Variants in CGNL1 observed in about 807,000 individuals in gnomAD.
The protein encoded by CGNL1 is cingulin like 1.
A neutral mutation model predicts 141.2 loss-of-function variants in CGNL1; 132 were observed. That is an observed-to-expected ratio of 0.93 (90% CI 0.81 to 1.08). The LOEUF (loss-of-function observed/expected upper bound fraction) is 1.08, where lower values mean the gene tolerates loss of function less well. CGNL1 is among the 50% of genes least tolerant of loss of function. The probability of loss-of-function intolerance (pLI) is 0.00; values close to 1 mark genes in which losing one functional copy is unlikely to be tolerated. For missense variants in CGNL1, 1,870 were observed against 1,588.6 expected (o/e 1.18, Z -3.01); for synonymous variants, 690 against 622.1 (o/e 1.11, Z -1.63).
intron 8 of CGNL1, among the ~76,000 whole-genome samples, chr15:57,505,423 A>T (rs575990681): frequency 4.6e-5 from 7 of 152,270 alleles, no homozygotes; most frequent in African/African-American, 1.7e-4. Context: ...GGACGTTTCT[A>T]TTCTGGCCCC....
At chr15:57,422,819 G>C (rs1253961674) in intron 1 of CGNL1, among the ~76,000 whole-genome samples, 1 of 152,156 alleles carries the variant, frequency 6.6e-6, no homozygotes, top group African/African-American at 2.4e-5. Flanking sequence ...TAAGAAAAGT[G>C]GTGATGGACA....
chr15:57,476,238 G>T (rs1408909124), intron 8 of CGNL1, among the ~76,000 whole-genome samples: 1 of 152,154 alleles, frequency 6.6e-6, no homozygotes, highest in Non-Finnish European at 1.5e-5. Flanking sequence ...CTAAGAGGGA[G>T]TGAGGCTTGG....
intron 1 of CGNL1, among the ~76,000 whole-genome samples, chr15:57,389,249 C>A (rs1236714334): frequency 1.3e-5 from 2 of 151,996 alleles, no homozygotes; most frequent in African/African-American, 2.4e-5. Context: ...AAAAATGATT[C>A]AAGTTCCACT....
chr15:57,489,779 G>A (rs1344397361), intron 8 of CGNL1, among the ~76,000 whole-genome samples: 1 of 152,124 alleles, frequency 6.6e-6, no homozygotes, highest in Non-Finnish European at 1.5e-5. Context: ...GCTGAAGCTT[G>A]GATATTAAAG....
intron 1 of CGNL1, among the ~76,000 whole-genome samples, chr15:57,401,327 G>T (rs556558038): frequency 6.6e-6 from 1 of 152,192 alleles, no homozygotes; most frequent in Admixed American, 6.5e-5. Context: ...AGGGTTGGAC[G>T]GTGTATACAT....
At chr15:57,377,658 T>G (rs537752737) in intron 1 of CGNL1, among the ~76,000 whole-genome samples, 1 of 152,328 alleles carries the variant, frequency 6.6e-6, no homozygotes, top group South Asian at 2.1e-4. Context: ...TGAAGATCCC[T>G]TTGTTTCTAC....
At chr15:57,498,342 C>T (rs796290725) in intron 8 of CGNL1, among the ~76,000 whole-genome samples, 15 of 141,810 alleles carry the variant, frequency 1.1e-4, no homozygotes, top group East Asian at 6.4e-4. Context: ...CTCAATCTCC[C>T]GGGCTCAAGC....
chr15:57,420,117 T>A (rs1207616287), intron 1 of CGNL1, among the ~76,000 whole-genome samples: 1 of 152,226 alleles, frequency 6.6e-6, no homozygotes, highest in Non-Finnish European at 1.5e-5. Flanking sequence ...TTGTTTAATT[T>A]CTGGCACTGT....
chr15:57,405,212 A>G (rs2062702357), intron 1 of CGNL1: 1 of 152,238 alleles, frequency 6.6e-6, no homozygotes. Context: ...TGCTGCGTCC[A>G]CATTAGGCAT....
chr15:57,547,812 TC>T lies in CGNL1; in HGVS notation c.*327del. On this transcript the variant is annotated 3_prime_UTR_variant, in exon 19 of 19. Transcript: ENST00000281282. ...ATTGCTGTCCCTGCCCCCTCATCAC[TC>T]CCCCTGCCAAGACAAAGGGTCCAGA... 1 of 274,004 alleles carries T rather than the reference TC, an allele frequency of 3.6e-6. No individual in the cohort carries two copies. The highest frequency in any genetic ancestry group is 6.8e-6 in the Non-Finnish European group (1 of 146,552). The allele number at this position is 274,004 out of a possible 1,614,324, so 17.0% of individuals were successfully genotyped here.
intron 3 of CGNL1, among the ~76,000 whole-genome samples, chr15:57,441,989 G>C (rs8034838): frequency 0.24 from 36,601 of 151,674 alleles, 4,577 homozygotes; most frequent in East Asian, 0.27. Context: ...GTGTGAGAGA[G>C]ATATACACAT....
At chr15:57,530,260 C>G (rs1436288159) in intron 13 of CGNL1, among the ~76,000 whole-genome samples, 1 of 152,210 alleles carries the variant, frequency 6.6e-6, no homozygotes, top group Non-Finnish European at 1.5e-5. Flanking sequence ...CTAAAGAGAT[C>G]GTTTCCTTTG....
At chr15:57,540,884 C>T (rs148695208) in intron 14 of CGNL1, among the ~76,000 whole-genome samples, 85 of 152,370 alleles carry the variant, frequency 5.6e-4, no homozygotes, top group African/African-American at 2.0e-3. Context: ...AGCACACAAG[C>T]GTGTGCACTC....
chr15:57,490,887 A>G (rs1327495542), intron 8 of CGNL1, among the ~76,000 whole-genome samples: 3 of 152,186 alleles, frequency 2.0e-5, no homozygotes, highest in African/African-American at 7.2e-5. Context: ...CTTTACCTTC[A>G]TGGTCTTTCT....
intron 1 of CGNL1, among the ~76,000 whole-genome samples, chr15:57,390,807 G>A (rs1196170486): frequency 6.6e-6 from 1 of 152,000 alleles, no homozygotes; most frequent in East Asian, 1.9e-4. Context: ...TGTGGGAGGA[G>A]CAGAAGGATG....
chr15:57,545,526 G>A, intron 16 of CGNL1, 66 bp from the exon 17 acceptor site: 2 of 1,464,216 alleles, frequency 1.4e-6, no homozygotes, highest in Non-Finnish European at 1.9e-6. Flanking sequence ...CTCCTCCACA[G>A]CCTAGGCTGG....
rs571253921 is a variant in CGNL1, at chr15:57,526,026, C to T, written c.3039+1275C>T. On this transcript the variant is annotated intron_variant, in intron 12 of 18. Transcript: ENST00000281282. ...ACAATGACCCCTGAAAAGTACTTCC[C>T]GTTGCGTTTTATATAATGATTTTTA... 3.9e-5 allele frequency among the ~76,000 whole-genome samples: 6 copies of T among 152,216 alleles called. No individual in the cohort carries two copies. The East Asian group carries it at 5.8e-4, about 15-fold the overall frequency.
At chr15:57,437,903 C>A in intron 1 of CGNL1, 82 bp from the exon 2 acceptor site, 2 of 1,271,640 alleles carry the variant, frequency 1.6e-6, no homozygotes, top group Non-Finnish European at 2.2e-6. Flanking sequence ...TGAAGTTTCC[C>A]CTTCCTAATT....
At chr15:57,413,402 G>A (rs1243197875) in intron 1 of CGNL1, among the ~76,000 whole-genome samples, 1 of 152,060 alleles carries the variant, frequency 6.6e-6, no homozygotes, top group Non-Finnish European at 1.5e-5. Context: ...TCAGCCTCCT[G>A]AGTAGCTGAG....
Sources: allele counts gnomAD v4.1 joint callset (sites outside exome capture counted in the v4.1 genomes callset), GRCh38; gene constraint gnomAD v4.1.1; transcripts MANE v1.5; gene names NCBI Gene and HGNC (gene_info 2026-07-23, HGNC 2026-07-21).